MAP3K7: variants seen among roughly 807,000 people sequenced by gnomAD.
The protein encoded by MAP3K7 is TGF-beta activated kinase 1.
Under a neutral mutation model 84.8 loss-of-function variants are expected in MAP3K7, and 21 were observed. The observed-to-expected ratio is 0.25, with a 90% CI of 0.18 to 0.36. The LOEUF is 0.36. MAP3K7 is among the 10% of genes least tolerant of loss of function. MAP3K7 has a pLI of 1.00. For missense variants in MAP3K7, 503 were observed against 747.7 expected (o/e 0.67, Z 3.82); for synonymous variants, 241 against 247.7 (o/e 0.97, Z 0.25).
At position 90,556,492 on chromosome 6, in the gene MAP3K7, C is replaced by A; in HGVS notation, c.607+8G>T. On this transcript the variant is annotated splice_region_variant and intron_variant, in intron 6 of 16. Transcript: ENST00000369329. The stretch of plus-strand genomic sequence containing the variant: ...ATTATCAAACATACCATACTTTTGC[C>A]ATTTTACCTTCAAAAACTTCAGGTG... 6.2e-7 allele frequency: 1 copy of A among 1,608,868 alleles called. No homozygotes were observed. The highest frequency in any genetic ancestry group is 1.1e-5 in the South Asian group (1 of 89,582).
intron 12 of MAP3K7, among the ~76,000 whole-genome samples, chr6:90,537,941 G>A (rs111904810): frequency 4.0e-5 from 6 of 151,836 alleles, no homozygotes; most frequent in East Asian, 1.9e-4. Context: ...GGAACCACCC[G>A]ACACATGTGT....
chr6:90,524,420 C>T (rs1775255191), intron 13 of MAP3K7, among the ~76,000 whole-genome samples: 1 of 152,090 alleles, frequency 6.6e-6, no homozygotes, highest in South Asian at 2.1e-4. Context: ...GGAGGAAGCT[C>T]ACAAATTGAG....
intron 3 of MAP3K7, 79 bp downstream of exon 3, chr6:90,568,479 A>C: frequency 1.6e-6 from 2 of 1,265,432 alleles, no homozygotes; most frequent in Non-Finnish European, 2.2e-6. Context: ...AAAAAAACCC[A>C]AAAATAGCTA....
chr6:90,562,436 T>G (rs916726884), intron 3 of MAP3K7, among the ~76,000 whole-genome samples: 1 of 152,212 alleles, frequency 6.6e-6, no homozygotes, highest in Non-Finnish European at 1.5e-5. Flanking sequence ...ATCCTGCACC[T>G]GGCTCGGAGG....
chr6:90,568,343 G>A (rs982155618), intron 3 of MAP3K7, among the ~76,000 whole-genome samples: 19 of 152,098 alleles, frequency 1.2e-4, no homozygotes, highest in African/African-American at 1.9e-4. Flanking sequence ...CATATTGTGC[G>A]TGTATAATAG....
At chr6:90,544,080 G>A (rs1775930570) in intron 12 of MAP3K7, among the ~76,000 whole-genome samples, 1 of 152,082 alleles carries the variant, frequency 6.6e-6, no homozygotes. Flanking sequence ...ATGCTATTTA[G>A]CAACTCTCTT....
intron 6 of MAP3K7, among the ~76,000 whole-genome samples, chr6:90,555,541 C>T (rs1264966038): frequency 1.3e-5 from 2 of 152,214 alleles, no homozygotes; most frequent in Admixed American, 1.3e-4. Context: ...AGGCCTGAGC[C>T]ACCGCGCCCA....
At chr6:90,559,293 C>A (rs558543070) in intron 5 of MAP3K7, among the ~76,000 whole-genome samples, 9 of 151,956 alleles carry the variant, frequency 5.9e-5, no homozygotes, top group African/African-American at 2.2e-4. Context: ...AATGCTTTAA[C>A]CAGTATCAAG....
chr6:90,544,496 A>C (rs763758093), intron 12 of MAP3K7, 56 bp downstream of exon 12: 77 of 1,462,522 alleles, frequency 5.3e-5, no homozygotes, highest in Middle Eastern at 3.5e-4. Flanking sequence ...TACAAGTACC[A>C]GGGATCATTA....
intron 13 of MAP3K7, among the ~76,000 whole-genome samples, chr6:90,532,479 G>A (rs567762475): frequency 6.6e-6 from 1 of 152,130 alleles, no homozygotes; most frequent in Non-Finnish European, 1.5e-5. Flanking sequence ...GGGAAATTAA[G>A]GAACTTGCCC....
intron 12 of MAP3K7, among the ~76,000 whole-genome samples, chr6:90,542,898 A>G (rs556233025): frequency 2.6e-5 from 4 of 152,108 alleles, no homozygotes; most frequent in African/African-American, 7.2e-5. Context: ...GTCTCTGCCC[A>G]CTAGATGCCA....
intron 1 of MAP3K7, among the ~76,000 whole-genome samples, chr6:90,576,353 G>A (rs1217047101): frequency 6.6e-6 from 1 of 150,818 alleles, no homozygotes; most frequent in Non-Finnish European, 1.5e-5. Context: ...AACCTGAGAG[G>A]CCGAGGTTGC....
Position 90,550,498 on chromosome 6 carries a change from C to T in MAP3K7, c.919G>A (p.Glu307Lys). Reference sequence around the variant, plus strand: ...CTGGTGGCAGAGTTGCTCTGTCCTTCATCTGAATACTGACAAGGATACTGT... The same window carrying T: ...CTGGTGGCAGAGTTGCTCTGTCCTTTATCTGAATACTGACAAGGATACTGT... The part of the protein sequence containing the change: ...PLQYPCQYSD[E>K]GQSNSATSTG... Residue 307 changes from glutamate (E) to lysine (K), a missense_variant, in exon 9 of 17, where the codon GAA (glutamate) becomes AAA (lysine). Physicochemically the swap from Glu to Lys is moderately conservative, Grantham distance 56. This residue lies in a region of MAP3K7 where 286 missense variants were observed against 313.6 expected (regional missense o/e 0.91). Coordinates refer to ENST00000369329, the MANE Select transcript of MAP3K7 (RefSeq NM_145331.3). 1 of 1,611,790 alleles carries T rather than the reference C, an allele frequency of 6.2e-7. No homozygotes were observed. The highest frequency in any genetic ancestry group is 1.1e-5 in the South Asian group (1 of 90,982).
At position 90,587,016 on chromosome 6, in the gene MAP3K7, G is replaced by C. The variant is rs922056529; in HGVS notation, c.-133C>G. On this transcript the variant is annotated 5_prime_UTR_variant, in exon 1 of 17. Transcript: ENST00000369329. ...TCCTACTACCCGGCGATCCGTGGCG[G>C]GGGTAGAGGCAGCGGCCACAGCCGT... The C allele has an allele frequency of 7.1e-6, 8 of 1,130,936 alleles. No homozygotes were observed. Among genetic ancestry groups the C allele is most frequent in the African/African-American group, 1.6e-5 (1 of 60,842 alleles). 70.1% of individuals were successfully genotyped at this position (1,130,936 alleles called of 1,614,324 possible).
At chr6:90,534,001 AC>A (rs1775588458) in intron 13 of MAP3K7, among the ~76,000 whole-genome samples, 1 of 152,216 alleles carries the variant, frequency 6.6e-6, no homozygotes, top group Non-Finnish European at 1.5e-5. Flanking sequence ...TTATATCATT[AC>A]TTTTAATTAA....
chr6:90,580,556 T>G (rs1182301642), intron 1 of MAP3K7, among the ~76,000 whole-genome samples: 1 of 152,180 alleles, frequency 6.6e-6, no homozygotes, highest in African/African-American at 2.4e-5. Flanking sequence ...CCTGGCCTCA[T>G]ACAATCTCCC....
chr6:90,545,313 T>C (rs963770739), intron 11 of MAP3K7, among the ~76,000 whole-genome samples: 13 of 152,118 alleles, frequency 8.5e-5, no homozygotes, highest in Non-Finnish European at 1.8e-4. Flanking sequence ...ACTCAAGGGA[T>C]GTACAATAGC....
intron 13 of MAP3K7, among the ~76,000 whole-genome samples, chr6:90,535,423 T>C (rs949767111): frequency 2.2e-4 from 33 of 151,946 alleles, no homozygotes; most frequent in African/African-American, 7.0e-4. Context: ...ATTTCATTAC[T>C]TAATACTTAA....
chr6:90,570,099 T>G (rs572749433), intron 2 of MAP3K7, among the ~76,000 whole-genome samples: 1 of 152,214 alleles, frequency 6.6e-6, no homozygotes, highest in Non-Finnish European at 1.5e-5. Context: ...GAGATTCAGA[T>G]AGCAGATTAT....
Sources: gnomAD v4.1 joint callset for allele counts (sites outside exome capture counted in the v4.1 genomes callset) on GRCh38, gnomAD v4.1.1 for gene constraint, gnomAD v4.1.1 regional missense constraint, MANE v1.5 for transcripts, NCBI Gene and HGNC (gene_info 2026-07-23, HGNC 2026-07-21) for gene names.